Variants in DCN observed in about 807,000 individuals in gnomAD.
The protein encoded by DCN is decorin, also known as bone proteoglycan II.
In DCN, 17 loss-of-function variants were observed where a neutral mutation model predicts 36.5. That is an observed-to-expected ratio of 0.47 (90% CI 0.32 to 0.70). The LOEUF (loss-of-function observed/expected upper bound fraction) is 0.70. Among genes scored for constraint, DCN ranks in the 30% least tolerant of loss-of-function variants. DCN has a pLI of 0.04. For synonymous variants in DCN, 163 were observed against 161.4 expected (o/e 1.01, Z -0.07); for missense variants, 389 against 430.1 (o/e 0.90, Z 0.84).
chr12:91,175,920 A>G (rs1301661284), intron 2 of DCN: 3 of 152,138 alleles, frequency 2.0e-5, no homozygotes, highest in Non-Finnish European at 4.4e-5. Flanking sequence ...TAATCATCAT[A>G]TAATTTTAAC....
At chr12:91,157,619 A>G (rs997326663) in intron 4 of DCN, among the ~76,000 whole-genome samples, 3 of 151,656 alleles carry the variant, frequency 2.0e-5, no homozygotes, top group Admixed American at 6.6e-5. Context: ...AATTTTTACT[A>G]TATGTTTAGA....
intron 2 of DCN, among the ~76,000 whole-genome samples, chr12:91,167,446 C>T (rs1001061266): frequency 6.7e-6 from 1 of 148,886 alleles, no homozygotes; most frequent in Non-Finnish European, 1.5e-5. Flanking sequence ...TGTAAATTAT[C>T]TCAGACACAC....
rs765079976 is a variant in DCN, at chr12:91,158,423, G to T, written c.411C>A (p.Ser137=). The T allele has an allele frequency of 2.5e-6, 4 of 1,609,558 alleles. No individual in the cohort carries two copies. The East Asian group carries it at 8.9e-5, about 36-fold the overall frequency. ...PLVKLERLYL[S]KNQLKELPEK... The stretch of plus-strand genomic sequence containing the variant: ...CTGGCAATTCCTTCAGCTGATTCTT[G>T]GACAGATAAAGTCGTTCCAACTTCA... Residue 137 remains serine, a synonymous_variant, in exon 4 of 8, where the codon TCC becomes TCA. Transcript: ENST00000052754.
At chr12:91,176,725 A>G (rs1363108108) in intron 2 of DCN, 1 of 152,212 alleles carries the variant, frequency 6.6e-6, no homozygotes, top group Non-Finnish European at 1.5e-5. Context: ...TTTTGATAAT[A>G]CATGTAGCGA....
rs527846308 is a variant in DCN, at chr12:91,178,705, T to C, written c.-33-120A>G. The C allele has an allele frequency of 7.1e-6, 5 of 702,690 alleles. No homozygotes were observed. The South Asian group carries it at 7.9e-5, about 11-fold the overall frequency. 43.5% of individuals were successfully genotyped at this position (702,690 alleles called of 1,614,324 possible). A position where few individuals can be genotyped will look rare whatever the true frequency, so the allele number is the denominator to read the frequency against. On this transcript the variant is annotated intron_variant, in intron 1 of 7. Coordinates refer to ENST00000052754, the MANE Select transcript of DCN (RefSeq NM_001920.5). ...AAGATGCAAAATAATATTTCATTTG[T>C]TATCAGGAAGCAGAGCATTAAAAAT...
chr12:91,168,715 A>G (rs557422826), intron 2 of DCN, among the ~76,000 whole-genome samples: 7 of 152,348 alleles, frequency 4.6e-5, no homozygotes, highest in African/African-American at 1.7e-4. Flanking sequence ...ACTGGTTATA[A>G]TAATTATATT....
rs1304907836 is a variant in DCN, at chr12:91,157,126, T to G, written c.601A>C (p.Lys201Gln). ...IENGAFQGMK[K>Q]LSYIRIADTN... is the part of the protein sequence containing the mutation. ...TCAGCAATGCGGATGTAGGAGAGCT[T>G]CTTCATTCCCTGGAAAGCCCCATTT... is the stretch of plus-strand genomic sequence containing the variant. Residue 201 changes from lysine (K) to glutamine (Q), a missense_variant, in exon 5 of 8, where the codon AAG becomes CAG. By Grantham distance (53) the Lys-to-Gln change is moderately conservative (BLOSUM62 1). Coordinates refer to ENST00000052754, the MANE Select transcript of DCN (RefSeq NM_001920.5). 1 of 1,613,824 alleles carries G rather than the reference T, an allele frequency of 6.2e-7. No homozygotes were observed. Among genetic ancestry groups the G allele is most frequent in the African/African-American group, 1.3e-5 (1 of 74,926 alleles).
chr12:91,157,656 T>G (rs958059271), intron 4 of DCN, among the ~76,000 whole-genome samples: 1 of 151,980 alleles, frequency 6.6e-6, no homozygotes, highest in Middle Eastern at 3.2e-3. Flanking sequence ...TGAGACGTAG[T>G]CTCACTCTGT....
At chr12:91,172,987 A>T (rs1481041750) in intron 2 of DCN, 17 of 436,234 alleles carry the variant, frequency 3.9e-5, no homozygotes, top group Non-Finnish European at 1.2e-5. Flanking sequence ...ACAGTAAAAA[A>T]GGCAGAAGTA....
At chr12:91,182,109 A>G (rs1020666356) in intron 1 of DCN, among the ~76,000 whole-genome samples, 31 of 152,084 alleles carry the variant, frequency 2.0e-4, no homozygotes, top group Admixed American at 5.3e-4. Flanking sequence ...GGCATTTAAT[A>G]ACATAAATAT....
chr12:91,141,397 C>T lies in DCN; in HGVS notation c.*4661G>A, dbSNP rs1401966664. On this transcript the variant is annotated 3_prime_UTR_variant, in exon 8 of 8. Transcript: ENST00000052754. ...GTTCTTCATCTCCCTGCTCAAATGT[C>T]ACTCCTGATAAGTCCTTTTTCCGAC... is the stretch of plus-strand genomic sequence containing the variant. The T allele has an allele frequency of 1.3e-5, 2 of 152,202 alleles. No homozygotes were observed. Among genetic ancestry groups the T allele is most frequent in the African/African-American group, 4.8e-5 (2 of 41,424 alleles). The allele number at this position is 152,202 out of a possible 1,614,324, so 9.4% of individuals were successfully genotyped here.
At position 91,144,450 on chromosome 12, in the gene DCN, G is replaced by A. The variant is rs2031334766; in HGVS notation, c.*1608C>T. 1 of 151,994 alleles carries A rather than the reference G, an allele frequency of 6.6e-6. No homozygotes were observed. Among genetic ancestry groups the A allele is most frequent in the African/African-American group, 2.4e-5 (1 of 41,384 alleles). 9.4% of individuals were successfully genotyped at this position (151,994 alleles called of 1,614,324 possible). ...ATGAGAGGAGGATCTCTTGGGAGAT[G>A]AAAAAGAGAAGAAAAAGAGAGGTTT... is the stretch of plus-strand genomic sequence containing the variant. On this transcript the variant is annotated 3_prime_UTR_variant, in exon 8 of 8. Coordinates refer to ENST00000052754, the MANE Select transcript of DCN (RefSeq NM_001920.5).
chr12:91,172,703 A>G lies in DCN; in HGVS notation c.211+5639T>C, dbSNP rs1406623791. The G allele has an allele frequency of 7.3e-6, 5 of 687,486 alleles. 1 individual carries two copies. Among genetic ancestry groups the G allele is most frequent in the Middle Eastern group, 4.7e-4 (2 of 4,258 alleles). The allele number at this position is 687,486 out of a possible 1,614,324, so 42.6% of individuals were successfully genotyped here. ...TTCTCTTTGCAGCTTGCTAGAGTCA[A>G]GAATATTGTAGAATATTCATCCAAG... On this transcript the variant is annotated intron_variant, in intron 2 of 7. Transcript: ENST00000052754.
At chr12:91,154,259 C>T (rs1881618230) in intron 5 of DCN, among the ~76,000 whole-genome samples, 1 of 152,094 alleles carries the variant, frequency 6.6e-6, no homozygotes, top group Non-Finnish European at 1.5e-5. Flanking sequence ...TGTGTTAGAG[C>T]TGCTAGGAAA....
At chr12:91,162,314 C>T (rs1805681047) in intron 3 of DCN, among the ~76,000 whole-genome samples, 1 of 152,034 alleles carries the variant, frequency 6.6e-6, no homozygotes, top group African/African-American at 2.4e-5. Context: ...TTAAAAAAAT[C>T]TGGTATATTT....
intron 3 of DCN, among the ~76,000 whole-genome samples, chr12:91,160,158 A>G (rs1882070491): frequency 6.6e-6 from 1 of 152,126 alleles, no homozygotes; most frequent in African/African-American, 2.4e-5. Context: ...TGTGGGAGTT[A>G]AGGTCATAAA....
At chr12:91,158,622 T>A (rs2121212802) in intron 3 of DCN, 113 bp from the exon 4 acceptor site, 2 of 721,472 alleles carry the variant, frequency 2.8e-6, no homozygotes. Context: ...ATCTAAAAAA[T>A]TGCAAGAAAT....
intron 2 of DCN, among the ~76,000 whole-genome samples, chr12:91,168,130 C>T (rs3138206): frequency 4.2e-3 from 642 of 152,230 alleles, no homozygotes; most frequent in African/African-American, 0.015. Flanking sequence ...CGTGCCTAGC[C>T]GTGGTGTGCC....
intron 3 of DCN, among the ~76,000 whole-genome samples, chr12:91,162,537 T>C (rs3138233): frequency 0.017 from 2,587 of 152,278 alleles, 70 homozygotes; most frequent in African/African-American, 0.058. Flanking sequence ...ATGACATATC[T>C]TCCTCAATTA....
Sources: gnomAD v4.1 joint callset for allele counts (sites outside exome capture counted in the v4.1 genomes callset) on GRCh38, gnomAD v4.1.1 for gene constraint, MANE v1.5 for transcripts, NCBI Gene and HGNC (gene_info 2026-07-23, HGNC 2026-07-21) for gene names.